Variants in ANKRD24 observed in about 807,000 individuals in gnomAD.
The protein encoded by ANKRD24 is ankyrin repeat domain 24.
A neutral mutation model predicts 127.8 loss-of-function variants in ANKRD24; 109 were observed. The observed-to-expected ratio is 0.85, with a 90% CI of 0.73 to 1.00. The LOEUF is 1.00. Ranked by LOEUF, ANKRD24 falls within the 50% of genes least tolerant of loss-of-function variation. ANKRD24 has a pLI of 0.00. For missense variants in ANKRD24, 1,648 were observed against 1,570.2 expected (o/e 1.05, Z -0.84); for synonymous variants, 743 against 671.1 (o/e 1.11, Z -1.66).
chr19:4,221,343 C>T (rs1970430786), intron 19 of ANKRD24, among the ~76,000 whole-genome samples: 1 of 151,966 alleles, frequency 6.6e-6, no homozygotes, highest in Non-Finnish European at 1.5e-5. Flanking sequence ...GCTGGGATTA[C>T]AGTCATGAGC....
intron 7 of ANKRD24, 112 bp downstream of exon 7, chr19:4,203,038 T>G: frequency 4.9e-6 from 4 of 816,244 alleles, no homozygotes; most frequent in Non-Finnish European, 7.3e-6. Context: ...TCCTGTCTCC[T>G]CCTTTCTTTC....
chr19:4,187,878 C>T (rs1968156573), intron 2 of ANKRD24, among the ~76,000 whole-genome samples: 1 of 152,104 alleles, frequency 6.6e-6, no homozygotes. Context: ...AAGGCAGGCA[C>T]GTGAGGAGCG....
rs760745612 is a variant in ANKRD24 at position 4,208,778 on chromosome 19, G to T, written c.847G>T (p.Asp283Tyr). ...PSPPSALTED[D>Y]SGEASSQNSM... is the part of the protein sequence containing the mutation. The stretch of plus-strand genomic sequence containing the variant: ...TCTCTCCCCAGCCCTCACAGAGGAT[G>T]ATTCAGGCGAGGCGTCATCTCAGGT... Residue 283 changes from aspartate to tyrosine, a missense_variant, in exon 11 of 22, where the codon GAT (aspartate) becomes TAT (tyrosine). Coordinates refer to ENST00000318934, the MANE Select transcript of ANKRD24 (RefSeq NM_001393985.1). 14 of 1,613,232 alleles carry T rather than the reference G, an allele frequency of 8.7e-6. No homozygotes were observed. In the East Asian group the frequency reaches 2.9e-4, roughly 33 times the overall value.
rs1970187951 is a variant in ANKRD24, at chr19:4,217,648, C to T, written c.2488C>T (p.Arg830Trp). 3 of 1,284,754 alleles carry T rather than the reference C, an allele frequency of 2.3e-6. No individual in the cohort carries two copies. The highest frequency in any genetic ancestry group is 2.9e-6 in the Non-Finnish European group (3 of 1,019,398). The allele number at this position is 1,284,754 out of a possible 1,614,324, so 79.6% of individuals were successfully genotyped here. A position where few individuals can be genotyped will look rare whatever the true frequency, so the allele number is the denominator to read the frequency against. The change falls in exon 18 of 22, where the codon CGG becomes TGG. Residue 830 changes from arginine (R) to tryptophan (W), a missense_variant. Physicochemically the swap from Arg to Trp is moderately radical, Grantham distance 101. Coordinates refer to ENST00000318934, the MANE Select transcript of ANKRD24 (RefSeq NM_001393985.1). ...CCGGCTGCTGGCGGAGGAGGAGGCG[C>T]GGGGCCTGCGGGCCGAGCTGGCCCA... ...ASRLLAEEEA[R>W]GLRAELAQRE...
intron 13 of ANKRD24, among the ~76,000 whole-genome samples, chr19:4,210,927 G>A (rs1336098009): frequency 1.3e-5 from 2 of 151,758 alleles, no homozygotes; most frequent in African/African-American, 4.8e-5. Flanking sequence ...TCCGCCTCCC[G>A]GGTTCAAGCG....
At position 4,217,514 on chromosome 19, in the gene ANKRD24, C is replaced by T; in HGVS notation, c.2354C>T (p.Thr785Ile). ...GASGGGGGDT[T>I]QLRAALEQAR... is the part of the protein sequence containing the mutation. ...AGCGGGGGCGGTGGCGGTGACACCA[C>T]ACAGCTGCGGGCGGCCCTGGAGCAG... is the stretch of plus-strand genomic sequence containing the variant. The change falls in exon 18 of 22, where the codon ACA (threonine) becomes ATA (isoleucine). Residue 785 changes from threonine (T) to isoleucine (I), a missense_variant. Thr to Ile is a moderately conservative substitution (Grantham distance 89). Transcript: ENST00000318934. 7.2e-7 allele frequency: 1 copy of T among 1,379,848 alleles called. No individual in the cohort carries two copies. The highest frequency in any genetic ancestry group is 9.3e-7 in the Non-Finnish European group (1 of 1,073,414). The allele number at this position is 1,379,848 out of a possible 1,614,324, so 85.5% of individuals were successfully genotyped here.
Position 4,195,176 on chromosome 19 carries a change from C to A in ANKRD24, c.37-4507C>A, listed in dbSNP as rs1002947242. On this transcript the variant is annotated intron_variant, in intron 2 of 21. Coordinates refer to ENST00000318934, the MANE Select transcript of ANKRD24 (RefSeq NM_001393985.1). This position sits in a 1 kb window ranked among gnomAD's most constrained non-coding sequence, Gnocchi z 4.2. The stretch of plus-strand genomic sequence containing the variant: ...CAAGCTCCGCCTCCCGGGTGCACGC[C>A]ATTCTCCTGCCTCAGTCTCCCGAGT... Among the ~76,000 whole-genome samples, 5 of 151,486 alleles carry A rather than the reference C, an allele frequency of 3.3e-5. No homozygotes were observed. The highest frequency in any genetic ancestry group is 4.4e-5 in the Non-Finnish European group (3 of 67,700).
chr19:4,222,730 G>A lies in ANKRD24; in HGVS notation c.3232G>A (p.Ala1078Thr), dbSNP rs149730870. The A allele has an allele frequency of 8.8e-4, 1,415 of 1,612,010 alleles. 16 individuals are homozygous for A. The African/African-American group carries it at 0.015, about 17-fold the overall frequency. The change falls in exon 20 of 22, where the codon GCC becomes ACC. Residue 1078 changes from alanine (A) to threonine (T), a missense_variant. Physicochemically the swap from Ala to Thr is moderately conservative, Grantham distance 58. Coordinates refer to ENST00000318934, the MANE Select transcript of ANKRD24 (RefSeq NM_001393985.1). Reference protein sequence around the residue: ...LKEALKEQPAALATPEVEALR... With the variant: ...LKEALKEQPATLATPEVEALR... Reference sequence around the variant, plus strand: ...GGAAGCCTTGAAGGAGCAGCCGGCCGCCCTCGCCACCCCTGAGGTGGAGGC... The same window carrying A: ...GGAAGCCTTGAAGGAGCAGCCGGCCACCCTCGCCACCCCTGAGGTGGAGGC...
At chr19:4,207,141 C>A in intron 7 of ANKRD24, 101 bp from the exon 8 acceptor site, 3 of 875,006 alleles carry the variant, frequency 3.4e-6, no homozygotes, top group South Asian at 1.4e-5. Context: ...CCAGGTTGGT[C>A]TCAAACTCCA....
intron 7 of ANKRD24, among the ~76,000 whole-genome samples, chr19:4,206,379 A>G (rs1004822174): frequency 6.6e-6 from 1 of 151,462 alleles, no homozygotes; most frequent in African/African-American, 2.4e-5. Flanking sequence ...GCACGCCTAC[A>G]GTCCCGGCGG....
At chr19:4,224,253 C>T in intron 21 of ANKRD24, 61 bp downstream of exon 21, 1 of 1,510,542 alleles carries the variant, frequency 6.6e-7, no homozygotes, top group Non-Finnish European at 9.0e-7. Context: ...GCTCTCTGAG[C>T]CTCAGTTTCC....
chr19:4,199,675 C>A lies in ANKRD24; in HGVS notation c.37-8C>A, dbSNP rs1218213295. The A allele has an allele frequency of 6.6e-7, 1 of 1,525,234 alleles. No individual in the cohort carries two copies. Among genetic ancestry groups the A allele is most frequent in the Non-Finnish European group, 8.8e-7 (1 of 1,140,394 alleles). The allele number at this position is 1,525,234 out of a possible 1,614,324, so 94.5% of individuals were successfully genotyped here. ...GACCCCCTCGCCCAGGACCACCTCC[C>A]CCTGCAGCTGCGGCTCAGCCCCACT... On this transcript the variant is annotated splice_region_variant and splice_polypyrimidine_tract_variant and intron_variant, in intron 2 of 21. Transcript: ENST00000318934. The surrounding 1 kb of genome is among the most constrained non-coding windows in gnomAD (Gnocchi z 5.2).
rs907089992 is a variant in ANKRD24 at position 4,199,011 on chromosome 19, G to A, written c.37-672G>A. Among the ~76,000 whole-genome samples, 2 of 152,108 alleles carry A rather than the reference G, an allele frequency of 1.3e-5. No homozygotes were observed. Among genetic ancestry groups the A allele is most frequent in the African/African-American group, 2.4e-5 (1 of 41,406 alleles). ...TTCAGGAATTTGGGGGAGACATTTC[G>A]TAATGCATTTCAGGCTATAGTGTTG... is the stretch of plus-strand genomic sequence containing the variant. On this transcript the variant is annotated intron_variant, in intron 2 of 21. Coordinates refer to ENST00000318934, the MANE Select transcript of ANKRD24 (RefSeq NM_001393985.1). This position sits in a 1 kb window ranked among gnomAD's most constrained non-coding sequence, Gnocchi z 5.2.
chr19:4,186,241 T>G, intron 1 of ANKRD24, 149 bp from the exon 2 acceptor site: 1 of 1,427,962 alleles, frequency 7.0e-7, no homozygotes, highest in Non-Finnish European at 9.2e-7. Flanking sequence ...ACACAGCAGG[T>G]AGGAGATAGA....
chr19:4,220,903 CTT>C (rs141815750), intron 19 of ANKRD24, among the ~76,000 whole-genome samples: 5 of 135,124 alleles, frequency 3.7e-5, no homozygotes, highest in Non-Finnish European at 4.8e-5. Context: ...AGCCAGAAAG[CTT>C]TTTTTTTTTT....
intron 2 of ANKRD24, among the ~76,000 whole-genome samples, chr19:4,197,838 T>C (rs1599412867): frequency 6.6e-6 from 1 of 151,528 alleles, no homozygotes; most frequent in African/African-American, 2.4e-5. Flanking sequence ...CATGAAAGGG[T>C]GAGCGAATAA....
rs957509269 is a variant in ANKRD24 at position 4,217,748 on chromosome 19, C to T, written c.2588C>T (p.Thr863Met). 14 of 1,298,904 alleles carry T rather than the reference C, an allele frequency of 1.1e-5. No individual in the cohort carries two copies. Among genetic ancestry groups the T allele is most frequent in the Admixed American group, 4.3e-5 (1 of 23,214 alleles). The allele number at this position is 1,298,904 out of a possible 1,614,324, so 80.5% of individuals were successfully genotyped here. A position where few individuals can be genotyped will look rare whatever the true frequency, so the allele number is the denominator to read the frequency against. ...LREQLATARATGEQQRTAAAE... is the reference protein window; with the variant it reads ...LREQLATARAMGEQQRTAAAE... ...GAGCAGCTGGCCACGGCCAGGGCCACGGGGGAGCAGCAGCGCACGGCGGCC... is the reference window on the plus strand; with the variant it reads ...GAGCAGCTGGCCACGGCCAGGGCCATGGGGGAGCAGCAGCGCACGGCGGCC... Residue 863 changes from threonine (T) to methionine (M), a missense_variant, in exon 18 of 22, where the codon ACG becomes ATG. By Grantham distance (81) the Thr-to-Met change is moderately conservative. Coordinates refer to ENST00000318934, the MANE Select transcript of ANKRD24 (RefSeq NM_001393985.1).
At position 4,199,930 on chromosome 19, in the gene ANKRD24, A is replaced by G; in HGVS notation, c.179A>G (p.Asp60Gly). 1 of 1,569,794 alleles carries G rather than the reference A, an allele frequency of 6.4e-7. No homozygotes were observed. The highest frequency in any genetic ancestry group is 8.6e-7 in the Non-Finnish European group (1 of 1,158,174). Residue 60 changes from aspartate (D) to glycine (G), a missense_variant, in exon 4 of 22, where the codon GAT becomes GGT. Coordinates refer to ENST00000318934, the MANE Select transcript of ANKRD24 (RefSeq NM_001393985.1). This position sits in a 1 kb window ranked among gnomAD's most constrained non-coding sequence, Gnocchi z 5.2. ...ERLLQAVENN[D>G]APRVAALIAR... ...CTGCTACAAGCCGTGGAAAACAACG[A>G]TGCACCTCGGGTGGCCGCCCTCATC...
In ANKRD24 at chr19:4,222,809, C is replaced by G; in HGVS notation, c.3297+14C>G. 1 of 1,594,116 alleles carries G rather than the reference C, an allele frequency of 6.3e-7. No individual in the cohort carries two copies. The highest frequency in any genetic ancestry group is 1.3e-5 in the African/African-American group (1 of 74,574). On this transcript the variant is annotated intron_variant, in intron 20 of 21. Transcript: ENST00000318934. ...CAGCAGCTGCAGGTAAGGACTGGGC[C>G]ACGCAGGGGCCAGGGGACCATCAGG...
Sources: gnomAD v4.1 joint callset for allele counts (sites outside exome capture counted in the v4.1 genomes callset) on GRCh38, gnomAD v4.1.1 for gene constraint, Gnocchi (gnomAD v3.1) non-coding constraint, MANE v1.5 for transcripts, NCBI Gene and HGNC (gene_info 2026-07-23, HGNC 2026-07-21) for gene names.